The following CMTM4 variants were observed in gnomAD, a reference collection of about 807,000 sequenced individuals.
CMTM4 encodes CKLF like MARVEL transmembrane domain containing 4, also known as CKLF-like MARVEL transmembrane domain-containing protein 4.
Under a neutral mutation model 19.0 loss-of-function variants are expected in CMTM4, and 8 were observed. The observed-to-expected ratio is 0.42, with a 90% confidence interval of 0.25 to 0.76. The LOEUF (loss-of-function observed/expected upper bound fraction) is 0.76, where lower values mean the gene tolerates loss of function less well. CMTM4 is among the 30% of genes least tolerant of loss of function. The pLI is 0.27. For synonymous variants in CMTM4, 106 were observed against 121.1 expected (o/e 0.88, Z 0.82); for missense variants, 228 against 290.2 (o/e 0.79, Z 1.56).
chr16:66,622,123 T>TTA lies in CMTM4; in HGVS notation c.561_562insTA (p.Ile188Ter). ...TCCCTGGACTCCGTGCGGGCTCGGA[T>TTA]GTAGTCATTGGTGCTCTGCTGGCGG... On this transcript the variant is annotated frameshift_variant, in exon 4 of 4. Coordinates refer to ENST00000394106, the MANE Select transcript of CMTM4 (RefSeq NM_181521.3). LOFTEE classifies it high-confidence loss of function. This position sits in a 1 kb window ranked among gnomAD's most constrained non-coding sequence, Gnocchi z 4.0. 1 of 1,610,622 alleles carries TTA rather than the reference T, an allele frequency of 6.2e-7. No homozygotes were observed. Among genetic ancestry groups the TTA allele is most frequent in the South Asian group, 1.1e-5 (1 of 90,144 alleles).
At chr16:66,627,678 C>T (rs2015769785) in intron 2 of CMTM4, among the ~76,000 whole-genome samples, 1 of 152,078 alleles carries the variant, frequency 6.6e-6, no homozygotes, top group South Asian at 2.1e-4. Flanking sequence ...ATATTCTGGA[C>T]ATTTCATACA....
intron 1 of CMTM4, among the ~76,000 whole-genome samples, chr16:66,695,520 C>A (rs983212416): frequency 6.6e-6 from 1 of 152,170 alleles, no homozygotes; most frequent in African/African-American, 2.4e-5. Context: ...CCCGCAGAGG[C>A]ATGTTACAAA....
rs1323757893 is a variant in CMTM4 at position 66,618,493 on chromosome 16, A to C, written c.*3565T>G. On this transcript the variant is annotated 3_prime_UTR_variant, in exon 4 of 4. Transcript: ENST00000394106. ...AAAATCTGGCACAGAAAGGGATTAG[A>C]CCTCAGTCCACCTCTCAGAGCACAT... The C allele has an allele frequency of 1.4e-5, 14 of 985,312 alleles. No individual in the cohort carries two copies. Among genetic ancestry groups the C allele is most frequent in the Admixed American group, 6.1e-5 (1 of 16,264 alleles). The allele number at this position is 985,312 out of a possible 1,614,324, so 61.0% of individuals were successfully genotyped here.
chr16:66,629,174 C>T (rs2015801376), intron 2 of CMTM4, among the ~76,000 whole-genome samples: 1 of 152,208 alleles, frequency 6.6e-6, no homozygotes, highest in Non-Finnish European at 1.5e-5. Context: ...TATTTGTACA[C>T]AGAATCAGCT....
At chr16:66,631,180 CGCCCG>C (rs1567407383) in intron 2 of CMTM4, among the ~76,000 whole-genome samples, 8 of 149,988 alleles carry the variant, frequency 5.3e-5, no homozygotes, top group South Asian at 2.1e-4. Context: ...GGTCAGCCCC[CGCCCG>C]GCCAGCCGCC....
Position 66,618,652 on chromosome 16 carries a change from G to A in CMTM4, c.*3406C>T, listed in dbSNP as rs1001286679. ...GAATTCACGTACATGAGTGCACAAA[G>A]GTGTTGGAGCTTGGTCTCCTCAGGC... On this transcript the variant is annotated 3_prime_UTR_variant, in exon 4 of 4. Coordinates refer to ENST00000394106, the MANE Select transcript of CMTM4 (RefSeq NM_181521.3). 5.1e-6 allele frequency: 5 copies of A among 985,394 alleles called. No homozygotes were observed. In the African/African-American group the frequency reaches 5.2e-5, roughly 10 times the overall value. 61.0% of individuals were successfully genotyped at this position (985,394 alleles called of 1,614,324 possible).
chr16:66,612,217 C>T (rs887594515), downstream of CMTM4, among the ~76,000 whole-genome samples: 4 of 152,120 alleles, frequency 2.6e-5, no homozygotes, highest in Admixed American at 2.0e-4. This position sits in a 1 kb window ranked among gnomAD's most constrained non-coding sequence, Gnocchi z 6.0. Context: ...GAGTTCAAGA[C>T]CAGCCTGGTG....
intron 2 of CMTM4, among the ~76,000 whole-genome samples, chr16:66,627,428 T>C (rs1363541103): frequency 6.6e-6 from 1 of 152,264 alleles, no homozygotes; most frequent in Admixed American, 6.5e-5. Context: ...ATATCACGTA[T>C]TTTTAAACAG....
rs111754651 is a variant in CMTM4, at chr16:66,692,523, G to T, written c.186+3817C>A. Among the ~76,000 whole-genome samples the T allele has an allele frequency of 3.2e-3, 482 of 152,350 alleles. 1 individual carries two copies. The highest frequency in any genetic ancestry group is 4.9e-3 in the Non-Finnish European group (334 of 68,024). ...GCCACTGATTCTGCATTTCTAACAA[G>T]CCCTTAGGTGATGGCAATGCTGCTG... On this transcript the variant is annotated intron_variant, in intron 1 of 3. Coordinates refer to ENST00000394106, the MANE Select transcript of CMTM4 (RefSeq NM_181521.3).
At chr16:66,630,331 CTCCCT>C (rs1351546658) in intron 2 of CMTM4, among the ~76,000 whole-genome samples, 2 of 108,748 alleles carry the variant, frequency 1.8e-5, no homozygotes, top group Non-Finnish European at 3.8e-5. Context: ...CCCCCTCCCT[CTCCCT>C]CTCCCCACAG....
chr16:66,609,568 C>T, the CMTM4 span: 1 of 1,546,394 alleles, frequency 6.5e-7, no homozygotes, highest in South Asian at 1.2e-5. This position sits in a 1 kb window ranked among gnomAD's most constrained non-coding sequence, Gnocchi z 4.4. Flanking sequence ...ACTGCAGATG[C>T]CCCTCTAGCC....
At chr16:66,685,122 A>G (rs1226149917) in intron 1 of CMTM4, among the ~76,000 whole-genome samples, 3 of 152,222 alleles carry the variant, frequency 2.0e-5, no homozygotes, top group African/African-American at 7.2e-5. Flanking sequence ...CACAATTTAT[A>G]GTAAAATAAT....
chr16:66,669,459 A>C (rs2016662048), intron 1 of CMTM4, among the ~76,000 whole-genome samples: 2 of 150,722 alleles, frequency 1.3e-5, no homozygotes, highest in Admixed American at 6.6e-5. Flanking sequence ...AATTTACTAC[A>C]TGTTAATTAA....
At position 66,622,374 on chromosome 16, in the gene CMTM4, G is replaced by A. The variant is rs1224602876; in HGVS notation, c.463-152C>T. On this transcript the variant is annotated intron_variant, in intron 3 of 3. Coordinates refer to ENST00000394106, the MANE Select transcript of CMTM4 (RefSeq NM_181521.3). This position sits in a 1 kb window ranked among gnomAD's most constrained non-coding sequence, Gnocchi z 4.0. ...ATTCCTTGATCTCTTCCCCCTCTCA[G>A]CAGCCCCATTTGATCTAAAGTCTTG... 13 of 864,824 alleles carry A rather than the reference G, an allele frequency of 1.5e-5. No individual in the cohort carries two copies. Among genetic ancestry groups the A allele is most frequent in the Non-Finnish European group, 2.1e-5 (12 of 571,204 alleles). The allele number at this position is 864,824 out of a possible 1,614,324, so 53.6% of individuals were successfully genotyped here.
intron 2 of CMTM4, among the ~76,000 whole-genome samples, chr16:66,626,373 G>T (rs1243764844): frequency 1.3e-5 from 2 of 152,198 alleles, no homozygotes; most frequent in Non-Finnish European, 2.9e-5. Flanking sequence ...GGAGGCCAAG[G>T]TGAGTGGACA....
chr16:66,665,854 A>G (rs2016582609), intron 1 of CMTM4, among the ~76,000 whole-genome samples: 1 of 150,590 alleles, frequency 6.6e-6, no homozygotes, highest in Non-Finnish European at 1.5e-5. Flanking sequence ...GGATCACTTG[A>G]GGTTAGGAGT....
intron 1 of CMTM4, among the ~76,000 whole-genome samples, chr16:66,672,788 G>GA (rs1555501569): frequency 2.6e-5 from 3 of 115,638 alleles, no homozygotes; most frequent in African/African-American, 9.6e-5. Context: ...TTTTTGTTTT[G>GA]TTTTTTTTTT....
In CMTM4 at chr16:66,618,619, G is replaced by A. The variant is rs1356380749; in HGVS notation, c.*3439C>T. 3.0e-6 allele frequency: 3 copies of A among 985,396 alleles called. No homozygotes were observed. The African/African-American group carries it at 5.2e-5, about 17-fold the overall frequency. 61.0% of individuals were successfully genotyped at this position (985,396 alleles called of 1,614,324 possible). On this transcript the variant is annotated 3_prime_UTR_variant, in exon 4 of 4. Transcript: ENST00000394106. ...TAGGGTTGTTCAGGTCTCATTCACT[G>A]CAAGCAAGAATTCACGTACATGAGT...
At chr16:66,659,374 C>CA (rs1207738260) in intron 1 of CMTM4, among the ~76,000 whole-genome samples, 1,290 of 116,270 alleles carry the variant, frequency 0.011, 11 homozygotes, top group African/African-American at 0.028. Context: ...GACTCTGCCT[C>CA]AAAAAAAAAA....
Sources: gnomAD v4.1 joint callset for allele counts (sites outside exome capture counted in the v4.1 genomes callset) on GRCh38, gnomAD v4.1.1 for gene constraint, Gnocchi (gnomAD v3.1) non-coding constraint, MANE v1.5 for transcripts, NCBI Gene and HGNC (gene_info 2026-07-23, HGNC 2026-07-21) for gene names.